Variants in ATAD2B observed in about 807,000 individuals in gnomAD.
ATAD2B encodes the protein ATPase family AAA domain-containing protein 2B.
In ATAD2B, 40 loss-of-function variants were observed where a neutral mutation model predicts 167.6. The ratio of observed to expected loss-of-function variants is 0.24; its 90% CI spans 0.19 to 0.31. The LOEUF (loss-of-function observed/expected upper bound fraction) is 0.31. Among genes scored for constraint, ATAD2B ranks in the 10% least tolerant of loss-of-function variants. The pLI, the probability that ATAD2B is intolerant of heterozygous loss-of-function variation, is 1.00. For missense variants in ATAD2B, 1,242 were observed against 1,757.2 expected (o/e 0.71, Z 5.24); for synonymous variants, 579 against 596.5 (o/e 0.97, Z 0.43).
chr2:23,836,584 CGAA>C (rs1558631852), intron 13 of ATAD2B, among the ~76,000 whole-genome samples: 2 of 152,116 alleles, frequency 1.3e-5, no homozygotes, highest in African/African-American at 2.4e-5. Context: ...GTGAGCAAGG[CGAA>C]GAAGAGCTTT....
At chr2:23,695,729 G>A in the ATAD2B span, 4 of 1,551,486 alleles carry the variant, frequency 2.6e-6, no homozygotes, top group African/African-American at 1.4e-5. This position sits in a 1 kb window ranked among gnomAD's most constrained non-coding sequence, Gnocchi z 7.6. Flanking sequence ...GAAGCCTGCC[G>A]GGACCTGGTG....
intron 1 of ATAD2B, among the ~76,000 whole-genome samples, chr2:23,922,874 T>C (rs1049748316): frequency 6.6e-6 from 1 of 151,842 alleles, no homozygotes; most frequent in Non-Finnish European, 1.5e-5. Flanking sequence ...ATTGGGGAGA[T>C]GTAGAAAAAA....
chr2:23,794,022 C>CT (rs199743879), intron 19 of ATAD2B, among the ~76,000 whole-genome samples: 2,167 of 151,980 alleles, frequency 0.014, 47 homozygotes, highest in African/African-American at 0.05. Flanking sequence ...ACTGTTTTAT[C>CT]TTTTTTTTGA....
chr2:23,857,335 G>T, intron 13 of ATAD2B, 80 bp downstream of exon 13: 1 of 722,438 alleles, frequency 1.4e-6, no homozygotes, highest in Non-Finnish European at 2.2e-6. Flanking sequence ...AAGCCTCATA[G>T]CACTTAGCTA....
At chr2:23,866,564 A>G (rs546273631) in intron 10 of ATAD2B, among the ~76,000 whole-genome samples, 15 of 152,352 alleles carry the variant, frequency 9.8e-5, no homozygotes, top group Admixed American at 5.2e-4. Flanking sequence ...ACTAGATTCA[A>G]AAGAGTAAAG....
At chr2:23,702,345 T>C in the ATAD2B span, among the ~76,000 whole-genome samples, 2 of 152,220 alleles carry the variant, frequency 1.3e-5, no homozygotes, top group Non-Finnish European at 2.9e-5. Context: ...CAAAAGCATC[T>C]AACACAAAGC....
At chr2:23,919,536 G>A (rs1273385424) in intron 1 of ATAD2B, among the ~76,000 whole-genome samples, 2 of 151,410 alleles carry the variant, frequency 1.3e-5, no homozygotes, top group Non-Finnish European at 2.9e-5. Context: ...GACAAAGTGA[G>A]AGCTTCTCAA....
chr2:23,792,071 T>C (rs1681826778), intron 19 of ATAD2B, among the ~76,000 whole-genome samples: 1 of 151,968 alleles, frequency 6.6e-6, no homozygotes, highest in African/African-American at 2.4e-5. Flanking sequence ...AGCCATCTTT[T>C]TTTTTTTTTG....
the ATAD2B span, among the ~76,000 whole-genome samples, chr2:23,679,536 A>G: frequency 1.3e-5 from 2 of 151,692 alleles, no homozygotes; most frequent in Non-Finnish European, 2.9e-5. Flanking sequence ...GCCAGCCAAG[A>G]TTCAAAGGGT....
chr2:23,776,695 G>A (rs12619525), intron 22 of ATAD2B, among the ~76,000 whole-genome samples: 2 of 152,132 alleles, frequency 1.3e-5, no homozygotes, highest in African/African-American at 4.8e-5. Flanking sequence ...ACCAGGTAAC[G>A]TATTTCTAAT....
intron 27 of ATAD2B, 71 bp from the exon 28 acceptor site, chr2:23,752,158 T>A: frequency 3.5e-6 from 4 of 1,135,320 alleles, no homozygotes; most frequent in South Asian, 1.4e-5. Context: ...ACGGAAGAAT[T>A]CACTTTAAAT....
At chr2:23,888,894 A>G (rs1699070421) in intron 2 of ATAD2B, among the ~76,000 whole-genome samples, 1 of 152,232 alleles carries the variant, frequency 6.6e-6, no homozygotes, top group Non-Finnish European at 1.5e-5. Context: ...TTATCGAAAG[A>G]GCCATTTTAC....
At chr2:23,693,241 G>A in the ATAD2B span, 1 of 1,526,810 alleles carries the variant, frequency 6.5e-7, no homozygotes, top group Non-Finnish European at 8.8e-7. Flanking sequence ...GGGCCTTTGG[G>A]TCAGTGGTCC....
chr2:23,698,581 T>C, the ATAD2B span, among the ~76,000 whole-genome samples: 2 of 152,036 alleles, frequency 1.3e-5, no homozygotes, highest in Non-Finnish European at 2.9e-5. Flanking sequence ...TATATTACAT[T>C]ATGGTATTAC....
At chr2:23,741,619 A>T in the ATAD2B span, among the ~76,000 whole-genome samples, 10 of 152,166 alleles carry the variant, frequency 6.6e-5, no homozygotes, top group East Asian at 1.9e-4. Context: ...AACCTAGGCA[A>T]TACCATTCAG....
chr2:23,878,297 G>A (rs1443885785), intron 7 of ATAD2B, among the ~76,000 whole-genome samples: 1 of 148,400 alleles, frequency 6.7e-6, no homozygotes, highest in Non-Finnish European at 1.5e-5. Context: ...GGAGGCGGAG[G>A]CTGCAGTGAG....
intron 12 of ATAD2B, among the ~76,000 whole-genome samples, chr2:23,858,090 CTTTT>C (rs1693718611): frequency 6.6e-6 from 1 of 150,828 alleles, no homozygotes; most frequent in South Asian, 2.1e-4. Context: ...CACACACATT[CTTTT>C]TATTTATTTG....
chr2:23,707,128 C>T, the ATAD2B span: 1 of 153,018 alleles, frequency 6.5e-6, no homozygotes, highest in African/African-American at 2.4e-5. Flanking sequence ...TCTACACTTT[C>T]AGTGGCCGAC....
At chr2:23,852,696 A>C (rs1359537846) in intron 13 of ATAD2B, among the ~76,000 whole-genome samples, 1 of 152,170 alleles carries the variant, frequency 6.6e-6, no homozygotes, top group Non-Finnish European at 1.5e-5. Context: ...AGGCAGGTGG[A>C]TCACCTGAGG....
Sources: gnomAD v4.1 joint callset for allele counts (sites outside exome capture counted in the v4.1 genomes callset) on GRCh38, gnomAD v4.1.1 for gene constraint, Gnocchi (gnomAD v3.1) non-coding constraint, MANE v1.5 for transcripts, NCBI Gene and HGNC (gene_info 2026-07-23, HGNC 2026-07-21) for gene names.